The following VCPIP1 variants were observed in gnomAD, a reference collection of about 807,000 sequenced individuals.
VCPIP1 encodes the protein valosin containing protein interacting protein 1, also known as deubiquitinating protein VCPIP1.
A neutral mutation model predicts 85.0 loss-of-function variants in VCPIP1; 8 were observed. The ratio of observed to expected loss-of-function variants is 0.09; its 90% confidence interval spans 0.06 to 0.17. VCPIP1 has a LOEUF of 0.17. Among genes scored for constraint, VCPIP1 ranks in the 10% least tolerant of loss-of-function variants. VCPIP1 has a pLI of 1.00. For missense variants in VCPIP1, 1,070 were observed against 1,486.3 expected (o/e 0.72, Z 4.61); for synonymous variants, 543 against 544.5 (o/e 1.00, Z 0.04).
At position 66,647,249 on chromosome 8, in the gene VCPIP1, G is replaced by A. The variant is rs751142282; in HGVS notation, c.2797+4209C>T. The stretch of plus-strand genomic sequence containing the variant: ...CCAGCTACTTGGGAGACTGAGGCAG[G>A]AGAATGGCTTGAATCTGGGAGGCAG... On this transcript the variant is annotated intron_variant, in intron 2 of 2. Transcript: ENST00000310421. 5.9e-5 allele frequency among the ~76,000 whole-genome samples: 9 copies of A among 151,818 alleles called. No homozygotes were observed. The South Asian group carries it at 1.5e-3, about 24-fold the overall frequency.
chr8:66,665,392 T>C lies in VCPIP1; in HGVS notation c.1567A>G (p.Lys523Glu). Residue 523 changes from lysine to glutamate, a missense_variant, in exon 1 of 3, where the codon AAA (lysine) becomes GAA (glutamate). Lys to Glu is a moderately conservative substitution (Grantham distance 56, BLOSUM62 1). Transcript: ENST00000310421. This position sits in a 1 kb window ranked among gnomAD's most constrained non-coding sequence, Gnocchi z 4.3. ...NNLVCSYDSV[K>E]DVLVPDYGMS... ...CCATAGTCTGGTACCAGAACATCTT[T>C]CACTGAATCATATGAGCAAACCAAA... is the stretch of plus-strand genomic sequence containing the variant. 6.2e-7 allele frequency: 1 copy of C among 1,614,200 alleles called. No homozygotes were observed. Among genetic ancestry groups the C allele is most frequent in the South Asian group, 1.1e-5 (1 of 91,084 alleles).
At chr8:66,661,523 C>T (rs1030472337) in intron 1 of VCPIP1, among the ~76,000 whole-genome samples, 2 of 152,030 alleles carry the variant, frequency 1.3e-5, no homozygotes, top group African/African-American at 4.8e-5. Context: ...TTCATGAGAT[C>T]AGAAGATTGA....
In VCPIP1 at chr8:66,665,017, C is replaced by T; in HGVS notation, c.1942G>A (p.Val648Ile). 2 of 1,613,674 alleles carry T rather than the reference C, an allele frequency of 1.2e-6. No individual in the cohort carries two copies. Among genetic ancestry groups the T allele is most frequent in the Non-Finnish European group, 1.7e-6 (2 of 1,179,734 alleles). ...FGSEILVQKV[V>I]HTILHQTAKK... The stretch of plus-strand genomic sequence containing the variant: ...GCAGTCTGATGCAATATAGTGTGGA[C>T]AACTTTCTGAACTAGGATTTCACTC... Residue 648 changes from valine to isoleucine, a missense_variant, in exon 1 of 3, where the codon GTC becomes ATC. Physicochemically the swap from Val to Ile is conservative, Grantham distance 29. Coordinates refer to ENST00000310421, the MANE Select transcript of VCPIP1 (RefSeq NM_025054.5). The surrounding 1 kb of genome is among the most constrained non-coding windows in gnomAD (Gnocchi z 4.3).
chr8:66,636,499 C>T (rs1563566055), intron 2 of VCPIP1, among the ~76,000 whole-genome samples: 1 of 152,082 alleles, frequency 6.6e-6, no homozygotes, highest in East Asian at 1.9e-4. Flanking sequence ...AATCCCAGCA[C>T]TTTGGGAGGC....
chr8:66,663,042 T>C (rs1811172595), intron 1 of VCPIP1, among the ~76,000 whole-genome samples: 2 of 149,442 alleles, frequency 1.3e-5, no homozygotes. Context: ...GAGGTGGAGT[T>C]TGCAGTGAGC....
chr8:66,643,519 T>C (rs746899171), intron 2 of VCPIP1, among the ~76,000 whole-genome samples: 3 of 151,862 alleles, frequency 2.0e-5, no homozygotes, highest in Non-Finnish European at 4.4e-5. Flanking sequence ...CTGGCTAACA[T>C]GGCGAAACCC....
intron 2 of VCPIP1, among the ~76,000 whole-genome samples, chr8:66,636,236 CAAAAA>C (rs1180259925): frequency 2.4e-5 from 1 of 41,512 alleles, no homozygotes; most frequent in Non-Finnish European, 5.0e-5. Flanking sequence ...GACTCCATCT[CAAAAA>C]AAAAAAAAAA....
chr8:66,656,836 C>T (rs1158950255), intron 1 of VCPIP1, among the ~76,000 whole-genome samples: 2 of 151,162 alleles, frequency 1.3e-5, no homozygotes, highest in Non-Finnish European at 2.9e-5. Flanking sequence ...TCTTGAACTC[C>T]TGACCTCAGG....
chr8:66,657,243 C>T (rs1404387689), intron 1 of VCPIP1, among the ~76,000 whole-genome samples: 3 of 152,042 alleles, frequency 2.0e-5, no homozygotes, highest in East Asian at 1.9e-4. Context: ...ACACCCAAAA[C>T]GAACTCTGAA....
Position 66,634,994 on chromosome 8 carries a change from T to A in VCPIP1, c.3176A>T (p.Asp1059Val). Residue 1059 changes from aspartate (D) to valine (V), a missense_variant, in exon 3 of 3, where the codon GAC becomes GTC. Transcript: ENST00000310421. ...TGTTTTAGTGGAACTATTACTAAAG[T>A]CTGTCCCTGTATTATGCTTTCTTAC... ...SVVRKHNTGT[D>V]FSNSSTKTEP... 6.2e-7 allele frequency: 1 copy of A among 1,613,606 alleles called. No homozygotes were observed. Among genetic ancestry groups the A allele is most frequent in the Non-Finnish European group, 8.5e-7 (1 of 1,179,580 alleles).
rs1249664417 is a variant in VCPIP1, at chr8:66,629,308, CTAAAT to C, written c.*5188_*5192del. On this transcript the variant is annotated 3_prime_UTR_variant, in exon 3 of 3. Coordinates refer to ENST00000310421, the MANE Select transcript of VCPIP1 (RefSeq NM_025054.5). ...GCAGTCTGGTGTCTAAGGCTATACT[CTAAAT>C]TATTGAGTTAAATGATCTAATAAAA... 5 of 152,122 alleles carry C rather than the reference CTAAAT, an allele frequency of 3.3e-5. No homozygotes were observed. The highest frequency in any genetic ancestry group is 7.4e-5 in the Non-Finnish European group (5 of 68,022). The allele number at this position is 152,122 out of a possible 1,614,324, so 9.4% of individuals were successfully genotyped here.
intron 1 of VCPIP1, among the ~76,000 whole-genome samples, chr8:66,660,362 A>C (rs1487645977): frequency 6.6e-6 from 1 of 152,192 alleles, no homozygotes; most frequent in Non-Finnish European, 1.5e-5. Context: ...AAACCAACAA[A>C]TAAGATTATT....
At chr8:66,643,375 G>C (rs980988899) in intron 2 of VCPIP1, among the ~76,000 whole-genome samples, 1 of 150,778 alleles carries the variant, frequency 6.6e-6, no homozygotes, top group African/African-American at 2.4e-5. Flanking sequence ...GATGCTTAGA[G>C]AGAAATTTAT....
intron 2 of VCPIP1, among the ~76,000 whole-genome samples, chr8:66,639,418 G>T (rs541497472): frequency 7.0e-6 from 1 of 142,452 alleles, no homozygotes; most frequent in Non-Finnish European, 1.5e-5. Flanking sequence ...GCAGTGGTGC[G>T]ATCTCGGCTC....
At chr8:66,645,859 G>A (rs185708223) in intron 2 of VCPIP1, among the ~76,000 whole-genome samples, 11 of 152,054 alleles carry the variant, frequency 7.2e-5, no homozygotes, top group African/African-American at 2.7e-4. Flanking sequence ...GAGCCAGGTA[G>A]GTCAACGATG....
rs1217482948 is a variant in VCPIP1, at chr8:66,665,259, G to C, written c.1700C>G (p.Ser567Cys). Residue 567 changes from serine to cysteine, a missense_variant, in exon 1 of 3, where the codon TCC becomes TGC. Ser to Cys is a moderately radical substitution (Grantham distance 112). Transcript: ENST00000310421. This position sits in a 1 kb window ranked among gnomAD's most constrained non-coding sequence, Gnocchi z 4.3. ...YLDGDRTNSR[S>C]TGGKCGCGFK... ...TCCACAACCACATTTGCCACCAGTG[G>C]ACCTAGAATTAGTTCTGTCTCCATC... 2 of 1,613,992 alleles carry C rather than the reference G, an allele frequency of 1.2e-6. No homozygotes were observed. Among genetic ancestry groups the C allele is most frequent in the African/African-American group, 2.7e-5 (2 of 74,902 alleles).
Position 66,666,729 on chromosome 8 carries a change from T to C in VCPIP1, c.230A>G (p.His77Arg). The change falls in exon 1 of 3, where the codon CAC (histidine) becomes CGC (arginine). Residue 77 changes from histidine to arginine, a missense_variant. Around this residue, in one of 8 missense-constraint regions of VCPIP1, gnomAD observed 164 missense variants for 158.6 expected, o/e 1.03. Coordinates refer to ENST00000310421, the MANE Select transcript of VCPIP1 (RefSeq NM_025054.5). This position sits in a 1 kb window ranked among gnomAD's most constrained non-coding sequence, Gnocchi z 6.3. ...SIECTECGQR[H>R]EQQQLLGVEE... ...AACCCCCAGCAGCTGTTGCTGCTCG[T>C]GCCGCTGGCCGCACTCGGTACACTC... The C allele has an allele frequency of 6.2e-7, 1 of 1,614,038 alleles. No individual in the cohort carries two copies. The highest frequency in any genetic ancestry group is 8.5e-7 in the Non-Finnish European group (1 of 1,179,970).
chr8:66,650,816 C>T (rs1021548076), intron 2 of VCPIP1, among the ~76,000 whole-genome samples: 2 of 140,170 alleles, frequency 1.4e-5, no homozygotes, highest in South Asian at 4.4e-4. Flanking sequence ...GCCAAGATAG[C>T]GCCATCACAC....
chr8:66,661,930 A>AT (rs545071912), intron 1 of VCPIP1, among the ~76,000 whole-genome samples: 2,148 of 144,494 alleles, frequency 0.015, 60 homozygotes, highest in African/African-American at 0.051. Flanking sequence ...CACCCGGCTT[A>AT]TTTTTTTTTT....
Sources: allele counts gnomAD v4.1 joint callset (sites outside exome capture counted in the v4.1 genomes callset), GRCh38; gene constraint gnomAD v4.1.1; regional missense constraint gnomAD v4.1.1; non-coding constraint Gnocchi (gnomAD v3.1); transcripts MANE v1.5; gene names NCBI Gene and HGNC (gene_info 2026-07-23, HGNC 2026-07-21).